The following SLC44A1 variants were observed in gnomAD, a reference collection of about 807,000 sequenced individuals.
SLC44A1 encodes choline transporter-like protein 1.
SLC44A1 carries 26 observed loss-of-function variants against 79.3 expected under a neutral mutation model. The observed-to-expected ratio is 0.33, with a 90% CI of 0.24 to 0.46. The LOEUF is 0.46. SLC44A1 is among the 20% of genes least tolerant of loss of function. The pLI is 1.00. For missense variants in SLC44A1, 688 were observed against 798.1 expected, an observed-to-expected ratio of 0.86 and a Z score of 1.66; for synonymous variants, 263 against 286.2, an observed-to-expected ratio of 0.92 and a Z score of 0.82.
chr9:105,339,738 G>C (rs896180362), intron 4 of SLC44A1, among the ~76,000 whole-genome samples: 1 of 152,052 alleles, frequency 6.6e-6, no homozygotes, highest in African/African-American at 2.4e-5. Flanking sequence ...GGGGCAGGAG[G>C]ATCGCTTGAG....
intron 3 of SLC44A1, among the ~76,000 whole-genome samples, chr9:105,332,433 C>T (rs1252878438): frequency 6.6e-6 from 1 of 151,976 alleles, no homozygotes; most frequent in Non-Finnish European, 1.5e-5. Flanking sequence ...TTAATATATT[C>T]TTAGACTATG....
At chr9:105,351,829 C>T (rs1026196202) in intron 5 of SLC44A1, among the ~76,000 whole-genome samples, 1 of 152,126 alleles carries the variant, frequency 6.6e-6, no homozygotes, top group Non-Finnish European at 1.5e-5. Context: ...CAAGATATTG[C>T]CCCCAATTTG....
intron 1 of SLC44A1, among the ~76,000 whole-genome samples, chr9:105,290,784 C>G (rs1212269724): frequency 6.6e-6 from 1 of 152,192 alleles, no homozygotes; most frequent in Non-Finnish European, 1.5e-5. Flanking sequence ...TGCCATTTCC[C>G]CCTTTCTCCT....
At chr9:105,406,250 T>G (rs12115775) in intron 15 of SLC44A1, among the ~76,000 whole-genome samples, 19,280 of 151,964 alleles carry the variant, frequency 0.13, 3,261 homozygotes, top group African/African-American at 0.39. Context: ...GTCTCTACAA[T>G]ACATAGTTCA....
intron 1 of SLC44A1, among the ~76,000 whole-genome samples, chr9:105,263,628 C>T (rs1340503191): frequency 3.3e-5 from 5 of 151,714 alleles, no homozygotes; most frequent in African/African-American, 7.3e-5. Context: ...GTCCACCTCC[C>T]GGGTTCAAGT....
intron 15 of SLC44A1, among the ~76,000 whole-genome samples, chr9:105,434,046 GT>G (rs1160339077): frequency 2.0e-5 from 3 of 152,142 alleles, no homozygotes; most frequent in Non-Finnish European, 4.4e-5. Flanking sequence ...AAAAAAACTA[GT>G]TTGCTATTTA....
At chr9:105,299,915 A>G (rs1830831365) in intron 2 of SLC44A1, 1 of 985,622 alleles carries the variant, frequency 1.0e-6, no homozygotes, top group Non-Finnish European at 1.2e-6. Flanking sequence ...TAGAGAATGG[A>G]GGAGCAGAGT....
In SLC44A1 at chr9:105,391,845, C is replaced by A. The variant is rs1260622168; in HGVS notation, c.*2789C>A. ...GATTCTATGTGGTGGTTTTTGTCTT[C>A]TTCTGTGGTGAATCTTCAAAACTGT... is the stretch of plus-strand genomic sequence containing the variant. On this transcript the variant is annotated 3_prime_UTR_variant, in exon 16 of 16. Coordinates refer to ENST00000374720, the MANE Select transcript of SLC44A1 (RefSeq NM_080546.5). 1.0e-6 allele frequency: 1 copy of A among 985,138 alleles called. No homozygotes were observed. The highest frequency in any genetic ancestry group is 1.7e-5 in the African/African-American group (1 of 57,194). 61.0% of individuals were successfully genotyped at this position (985,138 alleles called of 1,614,324 possible).
chr9:105,279,490 G>A (rs1416353570), intron 1 of SLC44A1, among the ~76,000 whole-genome samples: 1 of 151,826 alleles, frequency 6.6e-6, no homozygotes. Context: ...GCTCATTTTT[G>A]TATTTTTAGT....
In SLC44A1 at chr9:105,335,668, G is replaced by A. The variant is rs368536655; in HGVS notation, c.375G>A (p.Leu125=). 3.7e-6 allele frequency: 6 copies of A among 1,613,680 alleles called. No individual in the cohort carries two copies. Among genetic ancestry groups the A allele is most frequent in the East Asian group, 2.2e-5 (1 of 44,862 alleles). The change falls in exon 4 of 16, where the codon CTG becomes CTA. Residue 125 remains leucine, a synonymous_variant. Coordinates refer to ENST00000374720, the MANE Select transcript of SLC44A1 (RefSeq NM_080546.5). ...AACPRQELKT[L]SDVQKFAEIN... Reference sequence around the variant, plus strand: ...GTCCAAGGCAAGAACTGAAAACTCTGAGTGATGTTCAGAAGTTTGCAGAGA... The same window carrying A: ...GTCCAAGGCAAGAACTGAAAACTCTAAGTGATGTTCAGAAGTTTGCAGAGA...
At chr9:105,351,576 GAA>G (rs1476679271) in intron 5 of SLC44A1, among the ~76,000 whole-genome samples, 4,073 of 128,256 alleles carry the variant, frequency 0.032, 236 homozygotes, top group African/African-American at 0.08. Context: ...GAGAAAGAGA[GAA>G]AGAGAGAAAG....
chr9:105,396,060 A>G lies in SLC44A1; in HGVS notation c.*7004A>G, dbSNP rs1003069257. ...GCTCAGAACTTGGTTTTTGGCCCCT[A>G]TTGTTTTTGCCTATTTTGATTTTCA... On this transcript the variant is annotated 3_prime_UTR_variant, in exon 16 of 16. Coordinates refer to ENST00000374720, the MANE Select transcript of SLC44A1 (RefSeq NM_080546.5). 1.0e-5 allele frequency: 10 copies of G among 985,094 alleles called. No individual in the cohort carries two copies. The African/African-American group carries it at 1.4e-4, about 14-fold the overall frequency. The allele number at this position is 985,094 out of a possible 1,614,324, so 61.0% of individuals were successfully genotyped here.
At chr9:105,401,371 A>G (rs544527656), downstream of SLC44A1, among the ~76,000 whole-genome samples, 64 of 152,352 alleles carry the variant, frequency 4.2e-4, 2 homozygotes, top group South Asian at 0.013. Context: ...ATAGAAGAGA[A>G]AGTTTCCAAA....
At chr9:105,288,564 G>A (rs373942118) in intron 1 of SLC44A1, among the ~76,000 whole-genome samples, 99 of 152,262 alleles carry the variant, frequency 6.5e-4, no homozygotes, top group African/African-American at 2.4e-3. Flanking sequence ...GCCCAGGCTG[G>A]TACTAAACCC....
chr9:105,246,742 G>A (rs1030770762), intron 1 of SLC44A1, among the ~76,000 whole-genome samples: 2 of 152,134 alleles, frequency 1.3e-5, no homozygotes, highest in Admixed American at 6.5e-5. Flanking sequence ...GAAAAGTATT[G>A]ATAGTTTATG....
At chr9:105,359,270 TGAA>T (rs971179975) in intron 7 of SLC44A1, among the ~76,000 whole-genome samples, 3 of 152,194 alleles carry the variant, frequency 2.0e-5, no homozygotes, top group Non-Finnish European at 4.4e-5. Flanking sequence ...GAAATAAATT[TGAA>T]GAAGTCTTCC....
At position 105,382,178 on chromosome 9, in the gene SLC44A1, CT is replaced by C. The variant is rs546179450; in HGVS notation, c.1633-937del. ...TTATGACCTTGACCTTGGATCTACT[CT>C]TTTTTTTCTACTCAGGTCGGGTGGC... is the stretch of plus-strand genomic sequence containing the variant. On this transcript the variant is annotated intron_variant, in intron 13 of 15. Transcript: ENST00000374720. Among the ~76,000 whole-genome samples, 12 of 152,082 alleles carry C rather than the reference CT, an allele frequency of 7.9e-5. No homozygotes were observed. The South Asian group carries it at 2.5e-3, about 32-fold the overall frequency.
intron 3 of SLC44A1, among the ~76,000 whole-genome samples, chr9:105,318,282 T>C (rs375592523): frequency 3.3e-5 from 5 of 152,156 alleles, no homozygotes; most frequent in African/African-American, 1.2e-4. Flanking sequence ...CCGAGTTCAA[T>C]AGATTCTCCT....
rs118080837 is a variant in SLC44A1, at chr9:105,354,990, A to G, written c.501-1222A>G. Among the ~76,000 whole-genome samples the G allele has an allele frequency of 7.0e-3, 1,059 of 152,364 alleles. 4 individuals are homozygous for G. The highest frequency in any genetic ancestry group is 0.012 in the Non-Finnish European group (818 of 68,034). ...AACCAAGACTGAGGAACACATTTGT[A>G]TCATTCCAGTTAAAAATGTAGTTGT... On this transcript the variant is annotated intron_variant, in intron 5 of 15. Transcript: ENST00000374720.
Sources: allele counts gnomAD v4.1 joint callset (sites outside exome capture counted in the v4.1 genomes callset), GRCh38; gene constraint gnomAD v4.1.1; transcripts MANE v1.5; gene names NCBI Gene and HGNC (gene_info 2026-07-23, HGNC 2026-07-21).